SP1: variants seen among roughly 807,000 people sequenced by gnomAD.
The protein encoded by SP1 is transcription factor Sp1.
A neutral mutation model predicts 66.3 loss-of-function variants in SP1; 6 were observed. The observed-to-expected ratio is 0.09, with a 90% CI of 0.05 to 0.18. The LOEUF (loss-of-function observed/expected upper bound fraction) is 0.18, where lower values mean the gene tolerates loss of function less well. SP1 is among the 10% of genes least tolerant of loss of function. SP1 has a pLI of 1.00. For synonymous variants in SP1, 417 were observed against 360.8 expected, an observed-to-expected ratio of 1.16 and a Z score of -1.77; for missense variants, 848 against 964.5, an observed-to-expected ratio of 0.88 and a Z score of 1.60.
At position 53,414,758 on chromosome 12, in the gene SP1, T is replaced by G. The variant is rs893928288; in HGVS notation, c.*3518T>G. ...AGATCTTTGCTAGGACGCAATAAATTTATATACTTTTTGAGGGGTTCTTCT... is the reference window on the plus strand; with the variant it reads ...AGATCTTTGCTAGGACGCAATAAATGTATATACTTTTTGAGGGGTTCTTCT... On this transcript the variant is annotated 3_prime_UTR_variant, in exon 6 of 6. Transcript: ENST00000327443. 1 of 152,550 alleles carries G rather than the reference T, an allele frequency of 6.6e-6. No individual in the cohort carries two copies. Among genetic ancestry groups the G allele is most frequent in the African/African-American group, 2.4e-5 (1 of 41,420 alleles). 9.4% of individuals were successfully genotyped at this position (152,550 alleles called of 1,614,324 possible).
Position 53,406,602 on chromosome 12 carries a change from C to G in SP1, c.1693C>G (p.Leu565Val). 1 of 1,613,926 alleles carries G rather than the reference C, an allele frequency of 6.2e-7. No individual in the cohort carries two copies. Among genetic ancestry groups the G allele is most frequent in the Non-Finnish European group, 8.5e-7 (1 of 1,179,916 alleles). ...ANAPGDHGAQ[L>V]GLHGAGGDGI... ...AATTTCAGGTGATCATGGAGCTCAG[C>G]TTGGTCTCCATGGGGCTGGTGGTGA... Residue 565 changes from leucine (L) to valine (V), a missense_variant, in exon 4 of 6, where the codon CTT (leucine) becomes GTT (valine). Transcript: ENST00000327443.
chr12:53,401,236 A>G (rs1050279511), intron 3 of SP1, among the ~76,000 whole-genome samples: 1 of 151,336 alleles, frequency 6.6e-6, no homozygotes, highest in Non-Finnish European at 1.5e-5. Flanking sequence ...GGATCACCTG[A>G]GGTCGGGAGT....
In SP1 at chr12:53,381,740, A is replaced by G; in HGVS notation, c.89A>G (p.Asn30Ser). Reference sequence around the variant, plus strand: ...GGTGGCAATAATGGGGGCAATGGTAATGGTGGTGGTGCCTTTTCACAGGCT... The same window carrying G: ...GGTGGCAATAATGGGGGCAATGGTAGTGGTGGTGGTGCCTTTTCACAGGCT... ...GVGGNNGGNG[N>S]GGGAFSQARS... Residue 30 changes from asparagine to serine, a missense_variant, in exon 2 of 6, where the codon AAT becomes AGT. Physicochemically the swap from Asn to Ser is conservative, Grantham distance 46 (BLOSUM62 1). Transcript: ENST00000327443. The G allele has an allele frequency of 6.2e-7, 1 of 1,614,158 alleles. No homozygotes were observed. The highest frequency in any genetic ancestry group is 8.5e-7 in the Non-Finnish European group (1 of 1,180,010).
intron 3 of SP1, among the ~76,000 whole-genome samples, chr12:53,396,559 C>T (rs1407194081): frequency 2.0e-5 from 3 of 152,190 alleles, no homozygotes; most frequent in Non-Finnish European, 4.4e-5. Context: ...CAGAGCGAGA[C>T]TCCATCTCAA....
chr12:53,393,653 A>G (rs983543761), intron 3 of SP1, among the ~76,000 whole-genome samples: 4 of 146,824 alleles, frequency 2.7e-5, no homozygotes, highest in Middle Eastern at 3.8e-3. Context: ...GCTGGAGTGC[A>G]ATGGTGCGAT....
Position 53,415,294 on chromosome 12 carries a change from T to C in SP1, c.*4054T>C, listed in dbSNP as rs1022393337. Reference sequence around the variant, plus strand: ...AGACCAGCTTTGAGGTTGACCTGTTTCTCTTTGTCTGCCTTCCCAAAACAC... The same window carrying C: ...AGACCAGCTTTGAGGTTGACCTGTTCCTCTTTGTCTGCCTTCCCAAAACAC... On this transcript the variant is annotated 3_prime_UTR_variant, in exon 6 of 6. Transcript: ENST00000327443. The C allele has an allele frequency of 6.6e-6, 1 of 152,492 alleles. No homozygotes were observed. The highest frequency in any genetic ancestry group is 1.5e-5 in the Non-Finnish European group (1 of 68,070). 9.4% of individuals were successfully genotyped at this position (152,492 alleles called of 1,614,324 possible). A position where few individuals can be genotyped will look rare whatever the true frequency, so the allele number is the denominator to read the frequency against.
intron 3 of SP1, among the ~76,000 whole-genome samples, chr12:53,388,806 C>G (rs1938283600): frequency 6.6e-6 from 1 of 151,876 alleles, no homozygotes; most frequent in African/African-American, 2.4e-5. Flanking sequence ...ATAGGGATCC[C>G]CCATCTCTAC....
chr12:53,389,059 C>T (rs1938290852), intron 3 of SP1, among the ~76,000 whole-genome samples: 1 of 151,746 alleles, frequency 6.6e-6, no homozygotes, highest in Non-Finnish European at 1.5e-5. Flanking sequence ...GTATGTTCAA[C>T]TTCTTGGTAC....
At chr12:53,404,912 T>C (rs570555745) in intron 3 of SP1, among the ~76,000 whole-genome samples, 1 of 152,264 alleles carries the variant, frequency 6.6e-6, no homozygotes, top group East Asian at 1.9e-4. Context: ...CTCGGCTCAC[T>C]GCAACCTCTG....
chr12:53,413,804 G>A lies in SP1; in HGVS notation c.*2564G>A, dbSNP rs1342746932. ...ATTACCAGATATAAAATAATGTAAT[G>A]ATGCTGAGGATATAAGCTTTTAGAA... On this transcript the variant is annotated 3_prime_UTR_variant, in exon 6 of 6. Transcript: ENST00000327443. 1.3e-5 allele frequency: 2 copies of A among 152,266 alleles called. No homozygotes were observed. The highest frequency in any genetic ancestry group is 2.9e-5 in the Non-Finnish European group (2 of 68,048). The allele number at this position is 152,266 out of a possible 1,614,324, so 9.4% of individuals were successfully genotyped here.
At chr12:53,390,568 A>C (rs1938324586) in intron 3 of SP1, among the ~76,000 whole-genome samples, 1 of 152,124 alleles carries the variant, frequency 6.6e-6, no homozygotes, top group South Asian at 2.1e-4. Flanking sequence ...CTGTAGTCCC[A>C]GCTAGTCAGG....
Position 53,382,854 on chromosome 12 carries a change from A to G in SP1, c.907A>G (p.Thr303Ala). ...ESGSQPVTSGTTISSASLVSS... is the reference protein window; with the variant it reads ...ESGSQPVTSGATISSASLVSS... ...TGGCTCACAGCCTGTCACCTCAGGG[A>G]CTACCATCAGTTCTGCCAGCTTGGT... The change falls in exon 3 of 6, where the codon ACT becomes GCT. Residue 303 changes from threonine (T) to alanine (A), a missense_variant. This residue lies in a region of SP1 where 606 missense variants were observed against 589.9 expected (regional missense o/e 1.03). Coordinates refer to ENST00000327443, the MANE Select transcript of SP1 (RefSeq NM_138473.3). The G allele has an allele frequency of 6.2e-7, 1 of 1,614,194 alleles. No individual in the cohort carries two copies. The highest frequency in any genetic ancestry group is 8.5e-7 in the Non-Finnish European group (1 of 1,180,024).
chr12:53,390,767 T>C lies in SP1; in HGVS notation c.1675+7145T>C, dbSNP rs117853760. Among the ~76,000 whole-genome samples, 119 of 152,320 alleles carry C rather than the reference T, an allele frequency of 7.8e-4. 1 individual carries two copies. In the East Asian group the frequency reaches 0.02, roughly 26 times the overall value. ...TCAGACCTTTTCCATTGCTCCTATT[T>C]ATTCATTCCAGTGGCTTTCTCTTTA... On this transcript the variant is annotated intron_variant, in intron 3 of 5. Coordinates refer to ENST00000327443, the MANE Select transcript of SP1 (RefSeq NM_138473.3).
chr12:53,397,135 C>G (rs1315414947), intron 3 of SP1, among the ~76,000 whole-genome samples: 2 of 151,124 alleles, frequency 1.3e-5, no homozygotes, highest in Non-Finnish European at 3.0e-5. Context: ...CCTCAGCTTC[C>G]CAAGTAACTG....
At chr12:53,392,823 G>A (rs1015231764) in intron 3 of SP1, among the ~76,000 whole-genome samples, 2 of 147,126 alleles carry the variant, frequency 1.4e-5, no homozygotes, top group Non-Finnish European at 3.0e-5. Context: ...TTTGTTTTTT[G>A]TTGTTGTTGC....
chr12:53,380,390 G>A, intron 1 of SP1, 92 bp downstream of exon 1: 1 of 1,186,012 alleles, frequency 8.4e-7, no homozygotes, highest in Middle Eastern at 2.2e-4. Flanking sequence ...GTGAAGCGGG[G>A]GCGGGCGGGA....
chr12:53,383,841 A>G (rs913646002), intron 3 of SP1, among the ~76,000 whole-genome samples: 1 of 152,192 alleles, frequency 6.6e-6, no homozygotes, highest in Non-Finnish European at 1.5e-5. Context: ...ACTTCTGGGC[A>G]ATATTCTGGA....
intron 1 of SP1, 34 bp downstream of exon 1, chr12:53,380,332 G>C (rs768535798): frequency 6.6e-7 from 1 of 1,518,206 alleles, no homozygotes; most frequent in South Asian, 1.2e-5. Context: ...TTAGGGGTGG[G>C]AGGCGAGTGA....
At position 53,412,973 on chromosome 12, in the gene SP1, G is replaced by T. The variant is rs1938925992; in HGVS notation, c.*1733G>T. On this transcript the variant is annotated 3_prime_UTR_variant, in exon 6 of 6. Coordinates refer to ENST00000327443, the MANE Select transcript of SP1 (RefSeq NM_138473.3). ...GTGTGTGTGTGTGTGTGTGTAATCT[G>T]TTAGGTTGGGGATAGGTTTTCTGCT... is the stretch of plus-strand genomic sequence containing the variant. 6.6e-6 allele frequency: 1 copy of T among 150,920 alleles called. No individual in the cohort carries two copies. The highest frequency in any genetic ancestry group is 6.6e-5 in the Admixed American group (1 of 15,042). The allele number at this position is 150,920 out of a possible 1,614,324, so 9.3% of individuals were successfully genotyped here. A position where few individuals can be genotyped will look rare whatever the true frequency, so the allele number is the denominator to read the frequency against.
Sources: allele counts gnomAD v4.1 joint callset (sites outside exome capture counted in the v4.1 genomes callset), GRCh38; gene constraint gnomAD v4.1.1; regional missense constraint gnomAD v4.1.1; transcripts MANE v1.5; gene names NCBI Gene and HGNC (gene_info 2026-07-23, HGNC 2026-07-21).